Variants in IGF2 observed in about 807,000 individuals in gnomAD.
The protein encoded by IGF2 is insulin-like growth factor 2.
Under a neutral mutation model 12.0 loss-of-function variants are expected in IGF2, and 2 were observed. That is an observed-to-expected ratio of 0.17 (90% confidence interval 0.07 to 0.52). IGF2 has a LOEUF of 0.52. IGF2 is among the 20% of genes least tolerant of loss of function. IGF2 has a pLI of 0.95. For missense variants in IGF2, 211 were observed against 268.0 expected (o/e 0.79, Z 1.48); for synonymous variants, 105 against 110.1 (o/e 0.95, Z 0.29).
At chr11:2,149,040 A>T in the IGF2 span, 1 of 1,253,804 alleles carries the variant, frequency 8.0e-7, no homozygotes, top group East Asian at 2.3e-5. Flanking sequence ...GGATCCTGGC[A>T]GCTGCCCCAA....
chr11:2,140,076 G>T, upstream of IGF2: 1 of 1,559,592 alleles, frequency 6.4e-7, no homozygotes, highest in East Asian at 2.3e-5. Context: ...TGGAGCCTAC[G>T]GAGGCTCCGG....
upstream of IGF2, among the ~76,000 whole-genome samples, chr11:2,145,900 G>T (rs1444487997): frequency 7.2e-5 from 11 of 152,060 alleles, no homozygotes; most frequent in Admixed American, 7.2e-4. Context: ...CTCAAGACTG[G>T]CTCCTCCCCC....
At chr11:2,134,164 G>A in intron 2 of IGF2, 1 of 509,046 alleles carries the variant, frequency 2.0e-6, no homozygotes, top group Non-Finnish European at 4.0e-6. Flanking sequence ...GAGGAGTGAG[G>A]AGGCGTGATG....
chr11:2,147,632 G>T, the IGF2 span: 2 of 1,243,626 alleles, frequency 1.6e-6, no homozygotes, highest in African/African-American at 3.1e-5. The surrounding 1 kb of genome is among the most constrained non-coding windows in gnomAD (Gnocchi z 7.2). Context: ...GAGCGCTGGG[G>T]TCGCCTGGGC....
intron 1 of IGF2, 65 bp downstream of exon 1, chr11:2,138,164 G>A: frequency 1.1e-6 from 1 of 951,886 alleles, no homozygotes. Context: ...GGAAGGGCCG[G>A]GCGTCCGGCG....
At chr11:2,149,425 A>G in the IGF2 span, 1 of 1,214,724 alleles carries the variant, frequency 8.2e-7, no homozygotes, top group African/African-American at 1.5e-5. Context: ...TCCGCTGAGC[A>G]TGGCACCTGC....
chr11:2,134,027 C>G (rs1858813450), intron 2 of IGF2: 1 of 419,720 alleles, frequency 2.4e-6, no homozygotes, highest in Non-Finnish European at 4.6e-6. Flanking sequence ...GGGGCCCCCA[C>G]AGGAGGGACT....
At position 2,133,684 on chromosome 11, in the gene IGF2, A is replaced by T; in HGVS notation, c.158-19T>A. 9 of 1,612,458 alleles carry T rather than the reference A, an allele frequency of 5.6e-6. No individual in the cohort carries two copies. Among genetic ancestry groups the T allele is most frequent in the Non-Finnish European group, 6.8e-6 (8 of 1,179,820 alleles). On this transcript the variant is annotated intron_variant, in intron 2 of 3. Coordinates refer to ENST00000416167, the MANE Select transcript of IGF2 (RefSeq NM_000612.6). The surrounding 1 kb of genome is among the most constrained non-coding windows in gnomAD (Gnocchi z 8.9). ...GGCCTGCCTGGAAGTCCCACAGCAC[A>T]GAGAGAGCCGTGTTAGCACCGCACT...
rs1858390248 is a variant in IGF2, at chr11:2,129,519, C to T, written c.*3468G>A. The T allele has an allele frequency of 4.4e-6, 1 of 228,062 alleles. No individual in the cohort carries two copies. The highest frequency in any genetic ancestry group is 8.7e-6 in the Non-Finnish European group (1 of 114,728). The allele number at this position is 228,062 out of a possible 1,614,324, so 14.1% of individuals were successfully genotyped here. A position where few individuals can be genotyped will look rare whatever the true frequency, so the allele number is the denominator to read the frequency against. On this transcript the variant is annotated 3_prime_UTR_variant, in exon 4 of 4. Coordinates refer to ENST00000416167, the MANE Select transcript of IGF2 (RefSeq NM_000612.6). The surrounding 1 kb of genome is among the most constrained non-coding windows in gnomAD (Gnocchi z 8.1). ...CACTCCGGCGAGGCAGAATATAACA[C>T]TGGGTGGGTGGGTGTCCTGACGAAT...
At chr11:2,137,995 C>A (rs1859202419) in intron 1 of IGF2, among the ~76,000 whole-genome samples, 1 of 152,090 alleles carries the variant, frequency 6.6e-6, no homozygotes, top group Non-Finnish European at 1.5e-5. Context: ...CCCTTCCCGA[C>A]GCCCCCACCC....
the IGF2 span, chr11:2,146,554 G>A: frequency 2.7e-6 from 1 of 377,150 alleles, no homozygotes; most frequent in East Asian, 7.3e-5. Flanking sequence ...GGTCCAGGTT[G>A]GGGTGCTTGG....
chr11:2,146,651 A>G, the IGF2 span: 2 of 321,392 alleles, frequency 6.2e-6, no homozygotes, highest in African/African-American at 4.3e-5. Context: ...TTGAGTGTCT[A>G]AGGTAAAGAC....
rs1858633508 is a variant in IGF2 at position 2,131,997 on chromosome 11, GTGTGTGTGCTGTGTGCTCATCTGTGTGC to G, written c.*962_*989del. On this transcript the variant is annotated 3_prime_UTR_variant, in exon 4 of 4. Transcript: ENST00000416167. ...GTGTGCGTGTGTGTGCTGTGCGTTT[GTGTGTGTGCTGTGTGCTCATCTGTGTGC>G]TGTGTGTGCTGTGCGTTTGTGTGTG... The G allele has an allele frequency of 6.1e-6, 1 of 165,088 alleles. No individual in the cohort carries two copies. Among genetic ancestry groups the G allele is most frequent in the East Asian group, 9.2e-5 (1 of 10,820 alleles). 10.2% of individuals were successfully genotyped at this position (165,088 alleles called of 1,614,324 possible).
At chr11:2,140,142 G>A, upstream of IGF2, 1 of 1,612,894 alleles carries the variant, frequency 6.2e-7, no homozygotes, top group East Asian at 2.2e-5. Context: ...TACCTGCATG[G>A]CCGAGCTCAC....
intron 1 of IGF2, among the ~76,000 whole-genome samples, chr11:2,136,836 C>T (rs183579474): frequency 2.6e-5 from 4 of 152,250 alleles, no homozygotes; most frequent in African/African-American, 9.6e-5. Flanking sequence ...GCCCTCGCCG[C>T]GCTTCCGCAA....
At chr11:2,143,997 G>T (rs1859757282), upstream of IGF2, among the ~76,000 whole-genome samples, 1 of 152,216 alleles carries the variant, frequency 6.6e-6, no homozygotes, top group Non-Finnish European at 1.5e-5. Context: ...GAGCGCGGGC[G>T]GCGCGGGCAG....
chr11:2,144,530 C>T (rs1377359591), upstream of IGF2, among the ~76,000 whole-genome samples: 3 of 152,142 alleles, frequency 2.0e-5, no homozygotes, highest in Non-Finnish European at 4.4e-5. Context: ...ACACGGGGCC[C>T]GGGAGGAGGG....
In IGF2 at chr11:2,138,794, C is replaced by T; in HGVS notation, c.-572G>A. The stretch of plus-strand genomic sequence containing the variant: ...AGAAAGAGCGGGGGCCGGGGCCAGA[C>T]GCCAAGAGGGGCGCGGGGAGCACAG... On this transcript the variant is annotated 5_prime_UTR_variant, in exon 1 of 4. Coordinates refer to ENST00000416167, the MANE Select transcript of IGF2 (RefSeq NM_000612.6). The T allele has an allele frequency of 3.2e-6, 3 of 947,096 alleles. No homozygotes were observed. The highest frequency in any genetic ancestry group is 1.9e-5 in the African/African-American group (1 of 53,426). 58.7% of individuals were successfully genotyped at this position (947,096 alleles called of 1,614,324 possible).
At chr11:2,134,479 C>T (rs915863325) in intron 2 of IGF2, among the ~76,000 whole-genome samples, 2 of 152,266 alleles carry the variant, frequency 1.3e-5, no homozygotes, top group African/African-American at 2.4e-5. Flanking sequence ...GAGGCCAGGG[C>T]GGGCAGGGGC....
Sources: gnomAD v4.1 joint callset for allele counts (sites outside exome capture counted in the v4.1 genomes callset) on GRCh38, gnomAD v4.1.1 for gene constraint, Gnocchi (gnomAD v3.1) non-coding constraint, MANE v1.5 for transcripts, NCBI Gene and HGNC (gene_info 2026-07-23, HGNC 2026-07-21) for gene names.